Variants in FBXL20 observed in about 807,000 individuals in gnomAD.
The protein encoded by FBXL20 is F-box/LRR-repeat protein 20.
Under a neutral mutation model 64.0 loss-of-function variants are expected in FBXL20, and 11 were observed. The ratio of observed to expected loss-of-function variants is 0.17; its 90% confidence interval spans 0.11 to 0.28. The LOEUF (loss-of-function observed/expected upper bound fraction) is 0.28. Among genes scored for constraint, FBXL20 ranks in the 10% least tolerant of loss-of-function variants. FBXL20 has a pLI of 1.00. For synonymous variants in FBXL20, 184 were observed against 189.0 expected (o/e 0.97, Z 0.22); for missense variants, 303 against 526.2 (o/e 0.58, Z 4.15).
At chr17:39,395,162 C>A (rs1037726328) in intron 1 of FBXL20, among the ~76,000 whole-genome samples, 1 of 152,258 alleles carries the variant, frequency 6.6e-6, no homozygotes, top group African/African-American at 2.4e-5. Context: ...TGGTGGCTCA[C>A]ACCTGTAATT....
intron 1 of FBXL20, among the ~76,000 whole-genome samples, chr17:39,392,913 T>TGA (rs1317326218): frequency 6.6e-6 from 1 of 151,424 alleles, no homozygotes. Context: ...CCTGAGAGGC[T>TGA]GAGGTTGAAC....
chr17:39,366,165 A>G (rs936808676), intron 1 of FBXL20, among the ~76,000 whole-genome samples: 1 of 152,040 alleles, frequency 6.6e-6, no homozygotes, highest in Non-Finnish European at 1.5e-5. Context: ...TTTTCTCACA[A>G]TCTTTGTTTA....
At chr17:39,328,156 G>A (rs1281938810) in intron 2 of FBXL20, among the ~76,000 whole-genome samples, 1 of 147,350 alleles carries the variant, frequency 6.8e-6, no homozygotes, top group Non-Finnish European at 1.5e-5. Context: ...GCTGCGGCAG[G>A]AGAATTGTTT....
At chr17:39,356,581 C>T (rs2047743157) in intron 1 of FBXL20, among the ~76,000 whole-genome samples, 2 of 152,058 alleles carry the variant, frequency 1.3e-5, no homozygotes, top group South Asian at 4.1e-4. Context: ...GTCTTGAACT[C>T]CTGGACTCAA....
At chr17:39,310,608 G>A (rs549172738) in intron 2 of FBXL20, among the ~76,000 whole-genome samples, 61 of 152,146 alleles carry the variant, frequency 4.0e-4, no homozygotes, top group Admixed American at 7.2e-4. Context: ...AGCACTTTGG[G>A]AGGCTAAGGC....
At chr17:39,325,283 AAAG>A (rs2047399167) in intron 2 of FBXL20, among the ~76,000 whole-genome samples, 1 of 152,228 alleles carries the variant, frequency 6.6e-6, no homozygotes, top group Non-Finnish European at 1.5e-5. Flanking sequence ...AATGGGGTAG[AAAG>A]AAGGTTGGAG....
At chr17:39,352,909 A>C (rs963589527) in intron 1 of FBXL20, among the ~76,000 whole-genome samples, 5 of 152,112 alleles carry the variant, frequency 3.3e-5, no homozygotes, top group Admixed American at 6.6e-5. Flanking sequence ...TTCAGTAACT[A>C]AGTTTTGACC....
intron 6 of FBXL20, among the ~76,000 whole-genome samples, chr17:39,289,627 C>T (rs1223291340): frequency 1.3e-5 from 2 of 150,790 alleles, no homozygotes; most frequent in African/African-American, 4.9e-5. Context: ...CCAGCCTGGA[C>T]GACAGAGAAA....
intron 1 of FBXL20, among the ~76,000 whole-genome samples, chr17:39,391,235 G>A (rs1304168210): frequency 2.9e-5 from 4 of 139,674 alleles, no homozygotes; most frequent in Non-Finnish European, 3.0e-5. Context: ...TGGGCAACTA[G>A]TAAGACCACC....
At chr17:39,401,277 G>A (rs2048240187) in intron 1 of FBXL20, 84 bp downstream of exon 1, 12 of 1,604,796 alleles carry the variant, frequency 7.5e-6, no homozygotes, top group Admixed American at 1.7e-5. Flanking sequence ...CTGCCAGGGA[G>A]GAGGCTCCGT....
At chr17:39,389,694 T>G (rs1597837283) in intron 1 of FBXL20, among the ~76,000 whole-genome samples, 1 of 152,248 alleles carries the variant, frequency 6.6e-6, no homozygotes, top group East Asian at 1.9e-4. Context: ...GGCAGGTGCC[T>G]GTAGTCCCAA....
Position 39,360,072 on chromosome 17 carries a change from TTTAG to T in FBXL20, c.43-16835_43-16832del, listed in dbSNP as rs143303879. ...ACATAAAAACATATATTACATATTA[TTTAG>T]TATTAAAAATGAAAAAATTCTGACA... On this transcript the variant is annotated intron_variant, in intron 1 of 14. Transcript: ENST00000264658. Among the ~76,000 whole-genome samples, 1,397 of 152,236 alleles carry T rather than the reference TTTAG, an allele frequency of 9.2e-3. 18 individuals are homozygous for T. The highest frequency in any genetic ancestry group is 0.032 in the African/African-American group (1,317 of 41,552).
chr17:39,267,365 C>A (rs2046801454), intron 12 of FBXL20, among the ~76,000 whole-genome samples: 1 of 152,156 alleles, frequency 6.6e-6, no homozygotes, highest in South Asian at 2.1e-4. Flanking sequence ...ATCTGTCCCC[C>A]AGAACCTCTA....
chr17:39,374,226 A>C (rs920704681), intron 1 of FBXL20, among the ~76,000 whole-genome samples: 3 of 150,714 alleles, frequency 2.0e-5, no homozygotes. Flanking sequence ...CTACGTCTCA[A>C]AGAAAAAAAG....
intron 1 of FBXL20, among the ~76,000 whole-genome samples, chr17:39,376,260 T>C (rs1347942278): frequency 6.6e-6 from 1 of 152,214 alleles, no homozygotes; most frequent in Non-Finnish European, 1.5e-5. Context: ...AAAACGTTTG[T>C]CTTTATATTG....
intron 2 of FBXL20, among the ~76,000 whole-genome samples, chr17:39,308,794 T>C (rs1159858045): frequency 1.3e-5 from 2 of 152,020 alleles, no homozygotes; most frequent in African/African-American, 4.8e-5. Flanking sequence ...CTCAATCTCC[T>C]GGCTTCCTGA....
At position 39,397,424 on chromosome 17, in the gene FBXL20, C is replaced by G. The variant is rs186865965; in HGVS notation, c.42+3937G>C. ...CACTGTTTAAACTGTAAAATGGTAT[C>G]TGAATGTCAGTTAATGTTACCACTA... is the stretch of plus-strand genomic sequence containing the variant. On this transcript the variant is annotated intron_variant, in intron 1 of 14. Coordinates refer to ENST00000264658, the MANE Select transcript of FBXL20 (RefSeq NM_032875.3). Among the ~76,000 whole-genome samples, 23 of 152,228 alleles carry G rather than the reference C, an allele frequency of 1.5e-4. No homozygotes were observed. In the East Asian group the frequency reaches 4.2e-3, roughly 28 times the overall value.
intron 1 of FBXL20, among the ~76,000 whole-genome samples, chr17:39,382,911 C>T (rs2048039493): frequency 6.6e-6 from 1 of 151,818 alleles, no homozygotes. Flanking sequence ...AGTCCCAGCA[C>T]TTTGTGAGGC....
At chr17:39,334,150 T>C (rs1255959989) in intron 2 of FBXL20, among the ~76,000 whole-genome samples, 4 of 152,200 alleles carry the variant, frequency 2.6e-5, no homozygotes, top group Non-Finnish European at 4.4e-5. Context: ...CCTTGGGATG[T>C]TGTTAATCTA....
Sources: gnomAD v4.1 joint callset for allele counts (sites outside exome capture counted in the v4.1 genomes callset) on GRCh38, gnomAD v4.1.1 for gene constraint, MANE v1.5 for transcripts, NCBI Gene and HGNC (gene_info 2026-07-23, HGNC 2026-07-21) for gene names.